Variants in PGBD5 observed in about 807,000 individuals in gnomAD.
PGBD5 encodes the protein piggyBac transposable element-derived protein 5.
In PGBD5, 14 loss-of-function variants were observed where a neutral mutation model predicts 47.9. That is an observed-to-expected ratio of 0.29 (90% CI 0.19 to 0.46). PGBD5 has a LOEUF of 0.46. Among genes scored for constraint, PGBD5 ranks in the 20% least tolerant of loss-of-function variants. The pLI, the probability that PGBD5 is intolerant of heterozygous loss-of-function variation, is 1.00. For synonymous variants in PGBD5, 316 were observed against 306.3 expected, an observed-to-expected ratio of 1.03 and a Z score of -0.33; for missense variants, 635 against 716.0, an observed-to-expected ratio of 0.89 and a Z score of 1.29.
chr1:230,357,751 G>C lies in PGBD5; in HGVS notation c.332-430C>G, dbSNP rs551015009. 2.0e-5 allele frequency among the ~76,000 whole-genome samples: 3 copies of C among 152,238 alleles called. No homozygotes were observed. In the East Asian group the frequency reaches 5.8e-4, roughly 29 times the overall value. On this transcript the variant is annotated intron_variant, in intron 1 of 6. Coordinates refer to ENST00000391860, the MANE Select transcript of PGBD5 (RefSeq NM_001258311.2). This position sits in a 1 kb window ranked among gnomAD's most constrained non-coding sequence, Gnocchi z 5.7. The stretch of plus-strand genomic sequence containing the variant: ...GTTTCACACACTCGGGGCACAAGCC[G>C]AGTCTTAACTAGAGATGTACACACA...
In PGBD5 at chr1:230,319,090, A is replaced by G. The variant is rs1436733915; in HGVS notation, c.*4335T>C. The G allele has an allele frequency of 1.3e-5, 2 of 152,282 alleles. No individual in the cohort carries two copies. Among genetic ancestry groups the G allele is most frequent in the Non-Finnish European group, 2.9e-5 (2 of 68,094 alleles). The allele number at this position is 152,282 out of a possible 1,614,324, so 9.4% of individuals were successfully genotyped here. A position where few individuals can be genotyped will look rare whatever the true frequency, so the allele number is the denominator to read the frequency against. On this transcript the variant is annotated 3_prime_UTR_variant, in exon 7 of 7. Transcript: ENST00000391860. Reference sequence around the variant, plus strand: ...CCCCGTCCTCGTGATGAATCAGGACAGCCAGTGCCCACAGCAGTTAGGACG... The same window carrying G: ...CCCCGTCCTCGTGATGAATCAGGACGGCCAGTGCCCACAGCAGTTAGGACG...
At chr1:230,394,315 T>C (rs1251584128) in intron 1 of PGBD5, among the ~76,000 whole-genome samples, 2 of 151,814 alleles carry the variant, frequency 1.3e-5, no homozygotes, top group Non-Finnish European at 2.9e-5. Flanking sequence ...CCTTCTATTG[T>C]GCTACAGGAG....
chr1:230,422,399 T>C (rs911183758), intron 1 of PGBD5, among the ~76,000 whole-genome samples: 1 of 152,012 alleles, frequency 6.6e-6, no homozygotes, highest in African/African-American at 2.4e-5. Flanking sequence ...TGTTGGTTAT[T>C]TGCACAGTGG....
At chr1:230,384,047 T>C (rs567340799) in intron 1 of PGBD5, among the ~76,000 whole-genome samples, 56 of 152,298 alleles carry the variant, frequency 3.7e-4, no homozygotes, top group African/African-American at 1.3e-3. Context: ...TTGAAAAGCC[T>C]TCCAACTTAA....
intron 1 of PGBD5, among the ~76,000 whole-genome samples, chr1:230,388,162 G>T (rs1189867592): frequency 6.6e-6 from 1 of 152,186 alleles, no homozygotes; most frequent in African/African-American, 2.4e-5. Flanking sequence ...TGGCCAAGAC[G>T]GTAACTGTAG....
chr1:230,358,836 C>G (rs575658465), intron 1 of PGBD5, among the ~76,000 whole-genome samples: 2 of 152,312 alleles, frequency 1.3e-5, no homozygotes, highest in Admixed American at 6.5e-5. Flanking sequence ...CTGTGCCATA[C>G]AGGTTTGTAT....
rs1304698900 is a variant in PGBD5 at position 230,351,013 on chromosome 1, T to G, written c.839A>C (p.Lys280Thr). The part of the protein sequence containing the change: ...CTERELRKRK[K>T]RKFSLWVRQC... Reference sequence around the variant, plus strand: ...TCTGACCCAGAGGCTGAATTTCCGCTTTTTCCTCTTTCGCAGCTCCCGCTC... The same window carrying G: ...TCTGACCCAGAGGCTGAATTTCCGCGTTTTCCTCTTTCGCAGCTCCCGCTC... Residue 280 changes from lysine to threonine, a missense_variant, in exon 3 of 7, where the codon AAG (lysine) becomes ACG (threonine). By Grantham distance (78) the Lys-to-Thr change is moderately conservative. Transcript: ENST00000391860. The G allele has an allele frequency of 6.2e-7, 1 of 1,614,104 alleles. No individual in the cohort carries two copies. Among genetic ancestry groups the G allele is most frequent in the South Asian group, 1.1e-5 (1 of 91,074 alleles).
intron 4 of PGBD5, among the ~76,000 whole-genome samples, chr1:230,334,814 GA>G (rs771180227): frequency 2.0e-5 from 3 of 152,042 alleles, no homozygotes; most frequent in Non-Finnish European, 4.4e-5. Context: ...ACCTTCTCTT[GA>G]AAAAAATCCA....
rs146782308 is a variant in PGBD5, at chr1:230,401,463, G to A, written c.331+24135C>T. ...GCCTGTTGCTTGGGGCCAGGGAGAA[G>A]CGTAAATAGCAAACAGCACTAAGGA... On this transcript the variant is annotated intron_variant, in intron 1 of 6. Transcript: ENST00000391860. Among the ~76,000 whole-genome samples, 775 of 152,330 alleles carry A rather than the reference G, an allele frequency of 5.1e-3. 5 individuals are homozygous for A. The highest frequency in any genetic ancestry group is 7.8e-3 in the Non-Finnish European group (530 of 68,030).
chr1:230,402,072 T>C (rs1657151254), intron 1 of PGBD5, among the ~76,000 whole-genome samples: 1 of 152,172 alleles, frequency 6.6e-6, no homozygotes, highest in Non-Finnish European at 1.5e-5. Context: ...AGTTTTGCCT[T>C]TGAGTCCAGA....
At chr1:230,405,351 CTCAGCCTTCTCA>C (rs570832065) in intron 1 of PGBD5, among the ~76,000 whole-genome samples, 2 of 152,286 alleles carry the variant, frequency 1.3e-5, no homozygotes, top group African/African-American at 4.8e-5. Flanking sequence ...TCCTTCTCTC[CTCAGCCTTCTCA>C]ACCTGAAGAA....
intron 1 of PGBD5, among the ~76,000 whole-genome samples, chr1:230,406,507 T>C (rs1657300710): frequency 6.6e-6 from 1 of 152,096 alleles, no homozygotes; most frequent in African/African-American, 2.4e-5. Context: ...ATTATGAGTA[T>C]GTTGTCCAGA....
At chr1:230,327,459 G>A (rs992373374) in intron 5 of PGBD5, among the ~76,000 whole-genome samples, 6 of 152,122 alleles carry the variant, frequency 3.9e-5, no homozygotes, top group Non-Finnish European at 8.8e-5. Context: ...GCAGCATTTC[G>A]CATGGAAGAA....
Position 230,332,866 on chromosome 1 carries a change from G to A in PGBD5, c.1251C>T (p.Asn417=). The A allele has an allele frequency of 6.2e-7, 1 of 1,614,244 alleles. No individual in the cohort carries two copies. The highest frequency in any genetic ancestry group is 8.5e-7 in the Non-Finnish European group (1 of 1,180,040). The change falls in exon 5 of 7, where the codon AAC becomes AAT. Residue 417 remains asparagine, a synonymous_variant. Coordinates refer to ENST00000391860, the MANE Select transcript of PGBD5 (RefSeq NM_001258311.2). Reference sequence around the variant, plus strand: ...CACCCTGCTGCACCGGGGAGTAGGCGTTGGTCAGGAAGCGGAAGTGTCCTT... The same window carrying A: ...CACCCTGCTGCACCGGGGAGTAGGCATTGGTCAGGAAGCGGAAGTGTCCTT... ...YNKGHFRFLT[N]AYSPVQQGVI...
chr1:230,333,117 C>T, intron 4 of PGBD5, 76 bp from the exon 5 acceptor site: 1 of 1,470,628 alleles, frequency 6.8e-7, no homozygotes, highest in African/African-American at 1.4e-5. Flanking sequence ...CTGGGCACCC[C>T]CAAGGAAAGG....
rs1357974123 is a variant in PGBD5, at chr1:230,318,519, A to G, written c.*4906T>C. ...CCGGTGGGGAGGGGGCACTGGGGACACTTTCCCTGGCCACTACCTTGTGAA... is the reference window on the plus strand; with the variant it reads ...CCGGTGGGGAGGGGGCACTGGGGACGCTTTCCCTGGCCACTACCTTGTGAA... On this transcript the variant is annotated 3_prime_UTR_variant, in exon 7 of 7. Transcript: ENST00000391860. The G allele has an allele frequency of 6.6e-6, 1 of 152,364 alleles. No homozygotes were observed. The highest frequency in any genetic ancestry group is 1.5e-5 in the Non-Finnish European group (1 of 68,178). 9.4% of individuals were successfully genotyped at this position (152,364 alleles called of 1,614,324 possible). A position where few individuals can be genotyped will look rare whatever the true frequency, so the allele number is the denominator to read the frequency against.
At chr1:230,327,594 A>C (rs1042604850) in intron 5 of PGBD5, among the ~76,000 whole-genome samples, 10 of 152,202 alleles carry the variant, frequency 6.6e-5, no homozygotes, top group African/African-American at 1.9e-4. Context: ...GGCGGCCCCC[A>C]CACTGGAGCT....
intron 1 of PGBD5, among the ~76,000 whole-genome samples, chr1:230,388,832 G>C (rs1368213341): frequency 6.6e-6 from 1 of 152,216 alleles, no homozygotes; most frequent in African/African-American, 2.4e-5. Context: ...CCCCTGGAAA[G>C]AAAAGCAGCA....
intron 2 of PGBD5, among the ~76,000 whole-genome samples, chr1:230,352,770 TA>T (rs1490686309): frequency 5.9e-5 from 9 of 152,098 alleles, no homozygotes; most frequent in Non-Finnish European, 1.5e-5. Context: ...CATTTGGAAC[TA>T]TTCAAGTGCA....
Sources: gnomAD v4.1 joint callset for allele counts (sites outside exome capture counted in the v4.1 genomes callset) on GRCh38, gnomAD v4.1.1 for gene constraint, Gnocchi (gnomAD v3.1) non-coding constraint, MANE v1.5 for transcripts, NCBI Gene and HGNC (gene_info 2026-07-23, HGNC 2026-07-21) for gene names.